ADAM2: variants seen among roughly 807,000 people sequenced by gnomAD.
ADAM2 encodes the protein ADAM metallopeptidase domain 2.
ADAM2 carries 101 observed loss-of-function variants against 99.3 expected under a neutral mutation model. That is an observed-to-expected ratio of 1.02 (90% CI 0.87 to 1.20). The LOEUF is 1.20. Ranked by LOEUF, ADAM2 falls within the 50% of genes most tolerant of loss-of-function variation. ADAM2 has a pLI of 0.00. For synonymous variants in ADAM2, 323 were observed against 287.6 expected, an observed-to-expected ratio of 1.12 and a Z score of -1.25; for missense variants, 948 against 878.7, an observed-to-expected ratio of 1.08 and a Z score of -1.00.
At chr8:39,747,171 AT>A (rs1823504611) in intron 18 of ADAM2, among the ~76,000 whole-genome samples, 1 of 152,214 alleles carries the variant, frequency 6.6e-6, no homozygotes, top group African/African-American at 2.4e-5. Context: ...TATAATCCAA[AT>A]AGTCCTTTTC....
chr8:39,821,484 G>C, intron 5 of ADAM2, 102 bp downstream of exon 5: 2 of 902,058 alleles, frequency 2.2e-6, no homozygotes, highest in Non-Finnish European at 1.7e-6. Flanking sequence ...TTCCACAATA[G>C]TCATGCCACA....
intron 7 of ADAM2, among the ~76,000 whole-genome samples, chr8:39,805,819 C>T (rs1258719475): frequency 6.6e-6 from 1 of 152,194 alleles, no homozygotes; most frequent in African/African-American, 2.4e-5. Context: ...GCCAACATCA[C>T]ATCTAAACAT....
chr8:39,825,662 G>T (rs1805368701), intron 3 of ADAM2, among the ~76,000 whole-genome samples: 1 of 151,714 alleles, frequency 6.6e-6, no homozygotes, highest in African/African-American at 2.4e-5. Flanking sequence ...GAACTTTAAA[G>T]ATCTTTAAAG....
intron 3 of ADAM2, among the ~76,000 whole-genome samples, chr8:39,825,883 T>C (rs1052226105): frequency 6.6e-6 from 1 of 152,192 alleles, no homozygotes; most frequent in Non-Finnish European, 1.5e-5. Flanking sequence ...TTGTTTCATA[T>C]GAATTTTAGC....
At chr8:39,828,227 G>A (rs546804132) in intron 3 of ADAM2, among the ~76,000 whole-genome samples, 1 of 151,810 alleles carries the variant, frequency 6.6e-6, no homozygotes, top group Non-Finnish European at 1.5e-5. Flanking sequence ...ATAAAAAATA[G>A]TAATACTTCA....
chr8:39,794,465 T>C (rs896346793), intron 7 of ADAM2, among the ~76,000 whole-genome samples: 1 of 152,004 alleles, frequency 6.6e-6, no homozygotes, highest in Non-Finnish European at 1.5e-5. Flanking sequence ...ATATAGTCCT[T>C]TACCCAATTT....
In ADAM2 at chr8:39,788,195, A is replaced by C. The variant is rs201482345; in HGVS notation, c.699T>G (p.Asp233Glu). 6.1e-5 allele frequency: 97 copies of C among 1,580,074 alleles called. No homozygotes were observed. The Middle Eastern group carries it at 8.4e-4, about 14-fold the overall frequency. Reference sequence around the variant, plus strand: ...CTCCAGTGGTTGCAATTTTATTTTCATCTATCCAAAGCTCCAATGAAGACA... The same window carrying C: ...CTCCAGTGGTTGCAATTTTATTTTCCTCTATCCAAAGCTCCAATGAAGACA... The part of the protein sequence containing the change: ...IILSSLELWI[D>E]ENKIATTGEA... The change falls in exon 9 of 21, where the codon GAT (aspartate) becomes GAG (glutamate). Residue 233 changes from aspartate to glutamate, a missense_variant. By Grantham distance (45) the Asp-to-Glu change is conservative. Coordinates refer to ENST00000265708, the MANE Select transcript of ADAM2 (RefSeq NM_001464.5).
Position 39,837,194 on chromosome 8 carries a change from A to G in ADAM2, c.74T>C (p.Val25Ala), listed in dbSNP as rs148747755. ...RMDSNFDSLP[V>A]QITVPEKIRS... ...TATTTTCTCCGGAACTGTAATTTGC[A>G]CAGGTAAACTATCAAAATCTGCAAA... Residue 25 changes from valine to alanine, a missense_variant, in exon 2 of 21, where the codon GTG becomes GCG. Val to Ala is a moderately conservative substitution (Grantham distance 64). Coordinates refer to ENST00000265708, the MANE Select transcript of ADAM2 (RefSeq NM_001464.5). 9.9e-6 allele frequency: 16 copies of G among 1,609,246 alleles called. No homozygotes were observed. Among genetic ancestry groups the G allele is most frequent in the African/African-American group, 5.3e-5 (4 of 74,778 alleles).
intron 10 of ADAM2, among the ~76,000 whole-genome samples, chr8:39,777,389 G>GA (rs1474880921): frequency 5.9e-5 from 9 of 151,408 alleles, no homozygotes; most frequent in African/African-American, 2.2e-4. Flanking sequence ...CTCAGACAAA[G>GA]AAAAAAAATT....
At chr8:39,767,356 A>T (rs1010311424) in intron 12 of ADAM2, 105 bp from the exon 13 acceptor site, 1 of 961,678 alleles carries the variant, frequency 1.0e-6, no homozygotes, top group Non-Finnish European at 1.6e-6. Context: ...ATAGGTGCTT[A>T]ACTTACATGT....
intron 12 of ADAM2, among the ~76,000 whole-genome samples, chr8:39,768,244 A>G (rs923103342): frequency 2.6e-5 from 4 of 152,214 alleles, no homozygotes; most frequent in African/African-American, 4.8e-5. Context: ...CCAACCAAGC[A>G]AAAACAAGTG....
intron 4 of ADAM2, 90 bp downstream of exon 4, chr8:39,824,729 A>G (rs1805330556): frequency 2.7e-5 from 20 of 743,616 alleles, no homozygotes; most frequent in Non-Finnish European, 2.4e-6. Flanking sequence ...CCATGACCCA[A>G]CACTTTAGAC....
chr8:39,811,115 A>G (rs561478549), intron 6 of ADAM2, among the ~76,000 whole-genome samples: 2 of 152,288 alleles, frequency 1.3e-5, no homozygotes, highest in South Asian at 2.1e-4. Flanking sequence ...TATCACCACC[A>G]ATCCCACAGA....
intron 18 of ADAM2, among the ~76,000 whole-genome samples, chr8:39,747,363 C>T (rs1303279651): frequency 6.6e-6 from 1 of 152,136 alleles, no homozygotes; most frequent in Non-Finnish European, 1.5e-5. Context: ...TGACATAAGC[C>T]TTTCTCTGTA....
chr8:39,794,561 G>A (rs1803857142), intron 7 of ADAM2, among the ~76,000 whole-genome samples: 1 of 152,148 alleles, frequency 6.6e-6, no homozygotes, highest in African/African-American at 2.4e-5. Flanking sequence ...CATGGGACTG[G>A]TAGTTAAAGA....
At chr8:39,825,414 ATAAACT>A (rs1285065080) in intron 3 of ADAM2, among the ~76,000 whole-genome samples, 2 of 152,110 alleles carry the variant, frequency 1.3e-5, no homozygotes, top group Admixed American at 6.5e-5. Flanking sequence ...TGATGATAAT[ATAAACT>A]TAGAGATTTG....
chr8:39,833,739 T>C (rs1054117961), intron 3 of ADAM2, among the ~76,000 whole-genome samples: 17 of 152,226 alleles, frequency 1.1e-4, no homozygotes, highest in African/African-American at 4.1e-4. Context: ...TTGGTGCTAC[T>C]GGGAACAAGA....
chr8:39,791,988 G>A (rs1306992414), intron 7 of ADAM2, among the ~76,000 whole-genome samples: 1 of 151,934 alleles, frequency 6.6e-6, no homozygotes, highest in Non-Finnish European at 1.5e-5. Flanking sequence ...CTTGACACTA[G>A]TGCACTTGCC....
chr8:39,799,027 GTC>G (rs765515334), intron 7 of ADAM2, among the ~76,000 whole-genome samples: 1 of 151,476 alleles, frequency 6.6e-6, no homozygotes, highest in African/African-American at 2.4e-5. Context: ...GGGTTTTCAT[GTC>G]TCTCTCTCCT....
Sources: allele counts gnomAD v4.1 joint callset (sites outside exome capture counted in the v4.1 genomes callset), GRCh38; gene constraint gnomAD v4.1.1; transcripts MANE v1.5; gene names NCBI Gene and HGNC (gene_info 2026-07-23, HGNC 2026-07-21).